The following ENOX1 variants were observed in gnomAD, a reference collection of about 807,000 sequenced individuals.
ENOX1 encodes the protein candidate growth-related and time keeping constitutive hydroquinone (NADH) oxidase.
A neutral mutation model predicts 82.5 loss-of-function variants in ENOX1; 42 were observed. That is an observed-to-expected ratio of 0.51 (90% confidence interval 0.40 to 0.66). The LOEUF (loss-of-function observed/expected upper bound fraction) is 0.66. Among genes scored for constraint, ENOX1 ranks in the 30% least tolerant of loss-of-function variants. ENOX1 has a pLI of 0.00. For synonymous variants in ENOX1, 271 were observed against 282.2 expected (o/e 0.96, Z 0.40); for missense variants, 608 against 811.6 (o/e 0.75, Z 3.05).
chr13:43,382,153 A>G (rs2052091231), intron 5 of ENOX1, among the ~76,000 whole-genome samples: 1 of 152,156 alleles, frequency 6.6e-6, no homozygotes, highest in Non-Finnish European at 1.5e-5. Context: ...AATGAATAAT[A>G]CATCATGACT....
At chr13:43,542,323 A>G (rs1205083423) in intron 2 of ENOX1, among the ~76,000 whole-genome samples, 1 of 151,636 alleles carries the variant, frequency 6.6e-6, no homozygotes, top group African/African-American at 2.4e-5. Context: ...TTGTAGAGAC[A>G]GGGTTTCACC....
At chr13:43,616,201 TATA>T (rs1463725689) in intron 2 of ENOX1, among the ~76,000 whole-genome samples, 1 of 17,138 alleles carries the variant, frequency 5.8e-5, no homozygotes, top group African/African-American at 8.1e-5. Context: ...TATATATATA[TATA>T]TTTTTTTTTT....
At chr13:43,283,990 T>A (rs1007817368) in intron 12 of ENOX1, among the ~76,000 whole-genome samples, 3 of 152,180 alleles carry the variant, frequency 2.0e-5, no homozygotes, top group Non-Finnish European at 4.4e-5. Context: ...ATTTTAGTTA[T>A]TTTTGGCACT....
At chr13:43,610,043 C>G (rs2082132704) in intron 2 of ENOX1, 1 of 226,818 alleles carries the variant, frequency 4.4e-6, no homozygotes, top group South Asian at 1.6e-4. Context: ...ATAAAAGAAT[C>G]TCAGCATTTC....
At chr13:43,641,145 G>C (rs1033766098) in intron 2 of ENOX1, among the ~76,000 whole-genome samples, 7 of 152,126 alleles carry the variant, frequency 4.6e-5, no homozygotes, top group African/African-American at 1.7e-4. Context: ...AGATTTGGAG[G>C]GGCATCAAGG....
intron 12 of ENOX1, among the ~76,000 whole-genome samples, chr13:43,282,598 A>T (rs923739016): frequency 1.3e-5 from 2 of 151,334 alleles, no homozygotes; most frequent in Non-Finnish European, 1.5e-5. Flanking sequence ...TAATTTTTAA[A>T]TTTTTTATAG....
In ENOX1 at chr13:43,515,796, C is replaced by A. The variant is rs143796329; in HGVS notation, c.-218-31644G>T. On this transcript the variant is annotated intron_variant, in intron 2 of 16. Transcript: ENST00000690772. ...TTGCTCTGAGCTTCATGGAACAGATCAGAGTTCCTCCAGGATGTCCTGCTC... is the reference window on the plus strand; with the variant it reads ...TTGCTCTGAGCTTCATGGAACAGATAAGAGTTCCTCCAGGATGTCCTGCTC... Among the ~76,000 whole-genome samples, 595 of 152,188 alleles carry A rather than the reference C, an allele frequency of 3.9e-3. 3 individuals are homozygous for A. The highest frequency in any genetic ancestry group is 0.013 in the African/African-American group (541 of 41,576).
intron 5 of ENOX1, among the ~76,000 whole-genome samples, chr13:43,404,571 G>A (rs2053676618): frequency 6.6e-6 from 1 of 152,126 alleles, no homozygotes; most frequent in Non-Finnish European, 1.5e-5. Flanking sequence ...AACAAAGTTA[G>A]CCTCCCAATT....
chr13:43,692,402 G>A (rs1594431907), intron 1 of ENOX1, among the ~76,000 whole-genome samples: 1 of 152,006 alleles, frequency 6.6e-6, no homozygotes, highest in Non-Finnish European at 1.5e-5. Flanking sequence ...GTAAAAGCCA[G>A]AAACTATAAG....
At chr13:43,764,028 C>A (rs901817665) in intron 1 of ENOX1, among the ~76,000 whole-genome samples, 1 of 152,148 alleles carries the variant, frequency 6.6e-6, no homozygotes, top group African/African-American at 2.4e-5. Flanking sequence ...CCAGGTAGCC[C>A]AGTTTAATGT....
At chr13:43,696,266 A>G (rs1443310299) in intron 1 of ENOX1, among the ~76,000 whole-genome samples, 1 of 152,250 alleles carries the variant, frequency 6.6e-6, no homozygotes, top group Non-Finnish European at 1.5e-5. Context: ...ACATTCATGT[A>G]CAGGTACTTG....
Position 43,412,940 on chromosome 13 carries a change from G to A in ENOX1, c.-26C>T, listed in dbSNP as rs753230912. 1 of 1,613,380 alleles carries A rather than the reference G, an allele frequency of 6.2e-7. No homozygotes were observed. The highest frequency in any genetic ancestry group is 8.5e-7 in the Non-Finnish European group (1 of 1,179,874). On this transcript the variant is annotated 5_prime_UTR_variant, in exon 4 of 17. Transcript: ENST00000690772. ...TGAATTATGAGTGTCCAGAGGGGCA[G>A]GAACACTTTGATGGCTGAGTGCAGG... is the stretch of plus-strand genomic sequence containing the variant.
intron 15 of ENOX1, 21 bp from the exon 16 acceptor site, chr13:43,224,159 T>A: frequency 6.3e-7 from 1 of 1,587,412 alleles, no homozygotes; most frequent in South Asian, 1.1e-5. Flanking sequence ...AAGGCAAACA[T>A]TGGAAATTAT....
chr13:43,301,966 T>C (rs2046602662), intron 11 of ENOX1, among the ~76,000 whole-genome samples: 1 of 152,198 alleles, frequency 6.6e-6, no homozygotes, highest in Non-Finnish European at 1.5e-5. Flanking sequence ...GGGAAACTTT[T>C]TATTTCTCTC....
intron 1 of ENOX1, among the ~76,000 whole-genome samples, chr13:43,695,744 G>A (rs1417663729): frequency 2.6e-5 from 4 of 152,000 alleles, no homozygotes; most frequent in Non-Finnish European, 5.9e-5. Context: ...CACCGCACCC[G>A]GCCTCATTTT....
intron 2 of ENOX1, among the ~76,000 whole-genome samples, chr13:43,593,543 T>C (rs1167177445): frequency 6.6e-6 from 1 of 152,016 alleles, no homozygotes; most frequent in Non-Finnish European, 1.5e-5. Context: ...GGAGAGGTTA[T>C]GGAGTGTTCG....
intron 8 of ENOX1, among the ~76,000 whole-genome samples, chr13:43,353,629 A>C (rs1357402137): frequency 6.6e-6 from 1 of 152,208 alleles, no homozygotes; most frequent in Non-Finnish European, 1.5e-5. Flanking sequence ...AAGGCAGCCA[A>C]TTTCCTAAGC....
chr13:43,397,151 CAT>C (rs1463549165), intron 5 of ENOX1, among the ~76,000 whole-genome samples: 3 of 152,244 alleles, frequency 2.0e-5, no homozygotes, highest in Admixed American at 1.3e-4. Flanking sequence ...GCAAGGATGA[CAT>C]AGAAAATTCA....
chr13:43,227,570 C>T (rs1479782140), intron 15 of ENOX1, among the ~76,000 whole-genome samples: 2 of 152,288 alleles, frequency 1.3e-5, no homozygotes, highest in Middle Eastern at 3.4e-3. Context: ...CTTAACCCGT[C>T]CTGTCATGGA....
Sources: gnomAD v4.1 joint callset for allele counts (sites outside exome capture counted in the v4.1 genomes callset) on GRCh38, gnomAD v4.1.1 for gene constraint, MANE v1.5 for transcripts, NCBI Gene and HGNC (gene_info 2026-07-23, HGNC 2026-07-21) for gene names.